The following RALGDS variants were observed in gnomAD, a reference collection of about 807,000 sequenced individuals.
RALGDS encodes ral guanine nucleotide dissociation stimulator.
In RALGDS, 44 loss-of-function variants were observed where a neutral mutation model predicts 99.8. The observed-to-expected ratio is 0.44, with a 90% CI of 0.35 to 0.57. The LOEUF (loss-of-function observed/expected upper bound fraction) is 0.57, where lower values mean the gene tolerates loss of function less well. Among genes scored for constraint, RALGDS ranks in the 20% least tolerant of loss-of-function variants. The pLI, the probability that RALGDS is intolerant of heterozygous loss-of-function variation, is 0.01. For missense variants in RALGDS, 1,022 were observed against 1,203.1 expected (o/e 0.85, Z 2.23); for synonymous variants, 529 against 505.0 (o/e 1.05, Z -0.64).
rs1426698921 is a variant in RALGDS, at chr9:133,103,838, G to A, written c.1672-5C>T. ...AACGGTGCCCTGGATGATGCCCTGT[G>A]ACATTGGGGTAGGAGGATGAGCAAG... On this transcript the variant is annotated splice_region_variant and splice_polypyrimidine_tract_variant and intron_variant, in intron 10 of 17. Transcript: ENST00000372050. 6 of 1,612,446 alleles carry A rather than the reference G, an allele frequency of 3.7e-6. No homozygotes were observed. Among genetic ancestry groups the A allele is most frequent in the Admixed American group, 1.7e-5 (1 of 60,002 alleles).
intron 1 of RALGDS, among the ~76,000 whole-genome samples, chr9:133,138,479 C>G (rs1832462016): frequency 6.6e-6 from 1 of 152,208 alleles, no homozygotes; most frequent in Admixed American, 6.5e-5. Context: ...CTGTTCAGGT[C>G]TCCATGCCAG....
upstream of RALGDS, among the ~76,000 whole-genome samples, chr9:133,133,135 C>T (rs1588567631): frequency 6.6e-6 from 1 of 152,354 alleles, no homozygotes; most frequent in Non-Finnish European, 1.5e-5. Context: ...AGCCCAGCTT[C>T]CCAAGCCTGT....
At position 133,109,617 on chromosome 9, in the gene RALGDS, C is replaced by G. The variant is rs770983309; in HGVS notation, c.584+9G>C. On this transcript the variant is annotated intron_variant, in intron 4 of 17. Coordinates refer to ENST00000372050, the MANE Select transcript of RALGDS (RefSeq NM_006266.4). ...AGGGTCCCTTCCTCTTGGCTCAAAGCTCACTCACTTTTTAAGTTGGTCCTG... is the reference window on the plus strand; with the variant it reads ...AGGGTCCCTTCCTCTTGGCTCAAAGGTCACTCACTTTTTAAGTTGGTCCTG... The G allele has an allele frequency of 1.2e-6, 2 of 1,607,794 alleles. No homozygotes were observed. The highest frequency in any genetic ancestry group is 2.2e-5 in the South Asian group (2 of 90,948).
intron 5 of RALGDS, 59 bp downstream of exon 5, chr9:133,108,614 G>A: frequency 6.3e-7 from 1 of 1,594,152 alleles, no homozygotes; most frequent in Non-Finnish European, 8.6e-7. Flanking sequence ...TCCTCTTCGT[G>A]TGGCCCAGCA....
At chr9:133,134,772 C>G (rs562314213), upstream of RALGDS, among the ~76,000 whole-genome samples, 18 of 152,294 alleles carry the variant, frequency 1.2e-4, no homozygotes, top group East Asian at 7.7e-4. Flanking sequence ...GTCAACAACC[C>G]TCTGATAATT....
intron 1 of RALGDS, among the ~76,000 whole-genome samples, chr9:133,117,929 G>A (rs1423676014): frequency 6.6e-6 from 1 of 152,220 alleles, no homozygotes; most frequent in Non-Finnish European, 1.5e-5. Context: ...ACAGGTCCTG[G>A]AAATGCCCAA....
At chr9:133,103,376 C>A in intron 11 of RALGDS, 114 bp from the exon 12 acceptor site, 1 of 1,356,046 alleles carries the variant, frequency 7.4e-7, no homozygotes. Flanking sequence ...ACGCACACCC[C>A]TGGATTGAAG....
intron 1 of RALGDS, among the ~76,000 whole-genome samples, chr9:133,117,357 C>T (rs768174973): frequency 2.0e-5 from 3 of 152,232 alleles, no homozygotes; most frequent in South Asian, 4.1e-4. Context: ...GCATAGCTCT[C>T]TTCTCTCCAG....
chr9:133,106,297 C>A (rs760252312), intron 8 of RALGDS, among the ~76,000 whole-genome samples: 1 of 152,038 alleles, frequency 6.6e-6, no homozygotes, highest in Non-Finnish European at 1.5e-5. Context: ...GGCCAGATGT[C>A]GACTCATTGC....
intron 17 of RALGDS, chr9:133,099,323 C>T (rs1830638234): frequency 6.3e-6 from 1 of 157,484 alleles, no homozygotes; most frequent in South Asian, 1.9e-4. Context: ...GGCTTTTCGT[C>T]ATCTTTAACC....
At chr9:133,145,221 A>G (rs1832602404) in intron 1 of RALGDS, among the ~76,000 whole-genome samples, 1 of 152,070 alleles carries the variant, frequency 6.6e-6, no homozygotes, top group South Asian at 2.1e-4. Context: ...CCCGATAGAC[A>G]CTGGTCCCAG....
rs753711943 is a variant in RALGDS, at chr9:133,112,135, G to T, written c.201C>A (p.Ile67=). 1.9e-6 allele frequency: 3 copies of T among 1,567,096 alleles called. No individual in the cohort carries two copies. The highest frequency in any genetic ancestry group is 1.4e-5 in the African/African-American group (1 of 73,580). Residue 67 remains isoleucine (I), a synonymous_variant, in exon 2 of 18, where the codon ATC becomes ATA. Coordinates refer to ENST00000372050, the MANE Select transcript of RALGDS (RefSeq NM_006266.4). The part of the protein sequence containing the change: ...LPRPESSTQE[I]GEELINGVIY... Reference sequence around the variant, plus strand: ...TGACTCCGTTGATCAGCTCCTCACCGATCTCCTGCGTGGAGCTCTGTGAAG... The same window carrying T: ...TGACTCCGTTGATCAGCTCCTCACCTATCTCCTGCGTGGAGCTCTGTGAAG...
In RALGDS at chr9:133,101,623, T is replaced by C. The variant is rs987574118; in HGVS notation, c.2351A>G (p.Asn784Ser). 4.3e-6 allele frequency: 7 copies of C among 1,613,274 alleles called. No homozygotes were observed. Among genetic ancestry groups the C allele is most frequent in the Non-Finnish European group, 5.9e-6 (7 of 1,179,998 alleles). Residue 784 changes from asparagine (N) to serine (S), a missense_variant, in exon 16 of 18, where the codon AAC (asparagine) becomes AGC (serine). Coordinates refer to ENST00000372050, the MANE Select transcript of RALGDS (RefSeq NM_006266.4). ...THKRSVSGLC[N>S]SSSALPLYNQ... ...GTAGAGCGGCAGCGCGGAGCTGGAG[T>C]TGCAGAGCCCTGAGACAGAGCGCTT...
chr9:133,109,120 G>C (rs545382970), intron 4 of RALGDS, among the ~76,000 whole-genome samples: 1 of 152,216 alleles, frequency 6.6e-6, no homozygotes, highest in Non-Finnish European at 1.5e-5. Context: ...ATGAGGGATC[G>C]GTCCTCCTGC....
chr9:133,137,274 T>G (rs526449), intron 1 of RALGDS, among the ~76,000 whole-genome samples: 1 of 152,152 alleles, frequency 6.6e-6, no homozygotes, highest in African/African-American at 2.4e-5. Context: ...GGTCCTTTCA[T>G]GCCCCCCATG....
chr9:133,110,269 C>G, intron 3 of RALGDS, 27 bp downstream of exon 3: 2 of 1,605,240 alleles, frequency 1.2e-6, no homozygotes, highest in Non-Finnish European at 1.7e-6. Context: ...CCCTGTGCAC[C>G]CTGTGCAGTG....
rs558715647 is a variant in RALGDS, at chr9:133,103,798, C to T, written c.1707G>A (p.Thr569=). The T allele has an allele frequency of 1.4e-4, 223 of 1,613,368 alleles. 6 individuals carry two copies. In the South Asian group the frequency reaches 1.8e-3, roughly 13 times the overall value. The part of the protein sequence containing the change: ...IIQGTVPYLG[T]FLTDLVMLDT... ...CCAGCATCACCAGGTCGGTGAGGAA[C>T]GTGCCCAGGTAGGGAACGGTGCCCT... Residue 569 remains threonine, a synonymous_variant, in exon 11 of 18, where the codon ACG becomes ACA. Coordinates refer to ENST00000372050, the MANE Select transcript of RALGDS (RefSeq NM_006266.4).
In RALGDS at chr9:133,098,544, T is replaced by C; in HGVS notation, c.*43A>G. On this transcript the variant is annotated 3_prime_UTR_variant, in exon 18 of 18. Transcript: ENST00000372050. ...AGCTGGCCTGGGCCACTCTGGTCCA[T>C]AAGTGCTTGGCTACCAGCCAGCCAG... The C allele has an allele frequency of 6.2e-7, 1 of 1,610,080 alleles. No individual in the cohort carries two copies. Among genetic ancestry groups the C allele is most frequent in the Non-Finnish European group, 8.5e-7 (1 of 1,177,972 alleles).
At chr9:133,137,999 G>T (rs1832454094) in intron 1 of RALGDS, among the ~76,000 whole-genome samples, 1 of 152,198 alleles carries the variant, frequency 6.6e-6, no homozygotes, top group African/African-American at 2.4e-5. Flanking sequence ...ACGGGCCCTT[G>T]TGGTTGGGAG....
Sources: allele counts gnomAD v4.1 joint callset (sites outside exome capture counted in the v4.1 genomes callset), GRCh38; gene constraint gnomAD v4.1.1; transcripts MANE v1.5; gene names NCBI Gene and HGNC (gene_info 2026-07-23, HGNC 2026-07-21).